PRKN: variants seen among roughly 807,000 people sequenced by gnomAD.
PRKN encodes the protein E3 ubiquitin-protein ligase parkin.
Under a neutral mutation model 59.5 loss-of-function variants are expected in PRKN, and 56 were observed. The observed-to-expected ratio is 0.94, with a 90% CI of 0.76 to 1.18. The LOEUF (loss-of-function observed/expected upper bound fraction) is 1.18, where lower values mean the gene tolerates loss of function less well. PRKN is among the 50% of genes most tolerant of loss of function. PRKN has a pLI of 0.00. For missense variants in PRKN, 657 were observed against 596.4 expected (o/e 1.10, Z -1.06); for synonymous variants, 250 against 222.1 (o/e 1.13, Z -1.12).
At chr6:161,808,590 T>G (rs1017555717) in intron 6 of PRKN, among the ~76,000 whole-genome samples, 2 of 152,182 alleles carry the variant, frequency 1.3e-5, no homozygotes, top group African/African-American at 4.8e-5. Flanking sequence ...ATATTATTTT[T>G]GTATTATCTA....
intron 1 of PRKN, among the ~76,000 whole-genome samples, chr6:162,621,571 CTT>C (rs1158814969): frequency 6.6e-6 from 1 of 152,280 alleles, no homozygotes; most frequent in East Asian, 1.9e-4. Context: ...AATGAATGGT[CTT>C]TGTTTTAAAT....
At chr6:161,971,878 C>A (rs1230382909) in intron 6 of PRKN, among the ~76,000 whole-genome samples, 2 of 152,144 alleles carry the variant, frequency 1.3e-5, no homozygotes, top group African/African-American at 4.8e-5. Flanking sequence ...CAGAGAGAGA[C>A]AACACTTAAA....
chr6:161,475,343 G>A lies in PRKN; in HGVS notation c.1083+73511C>T, dbSNP rs1791014385. On this transcript the variant is annotated intron_variant, in intron 9 of 11. Transcript: ENST00000366898. The surrounding 1 kb of genome is among the most constrained non-coding windows in gnomAD (Gnocchi z 5.3). ...TTTCCAGTATTCCCATTTGCGATTTGTTTTTGGTCATCACGAGGAAGGAGG... is the reference window on the plus strand; with the variant it reads ...TTTCCAGTATTCCCATTTGCGATTTATTTTTGGTCATCACGAGGAAGGAGG... 6.6e-6 allele frequency among the ~76,000 whole-genome samples: 1 copy of A among 152,146 alleles called. No individual in the cohort carries two copies. The highest frequency in any genetic ancestry group is 2.4e-5 in the African/African-American group (1 of 41,436).
At chr6:162,067,822 C>T (rs1445484705) in intron 4 of PRKN, among the ~76,000 whole-genome samples, 2 of 152,158 alleles carry the variant, frequency 1.3e-5, no homozygotes, top group Non-Finnish European at 2.9e-5. Flanking sequence ...TGAGATATGT[C>T]CAAGGCTACA....
intron 5 of PRKN, among the ~76,000 whole-genome samples, chr6:162,045,846 G>A (rs1003870412): frequency 2.0e-5 from 3 of 152,032 alleles, no homozygotes; most frequent in Non-Finnish European, 2.9e-5. Context: ...ACTCCATTAG[G>A]CTCCTGTGTA....
At chr6:162,050,117 T>C (rs1406211449) in intron 5 of PRKN, among the ~76,000 whole-genome samples, 1 of 152,188 alleles carries the variant, frequency 6.6e-6, no homozygotes, top group Admixed American at 6.5e-5. Context: ...GCTGAACATA[T>C]TTTTCCTCAA....
intron 2 of PRKN, among the ~76,000 whole-genome samples, chr6:162,289,194 G>C (rs1781320982): frequency 6.6e-6 from 1 of 152,120 alleles, no homozygotes; most frequent in African/African-American, 2.4e-5. Context: ...CTGCTCCAGG[G>C]TGCTCTCCTT....
chr6:162,040,950 C>T (rs1358533556), intron 5 of PRKN, among the ~76,000 whole-genome samples: 6 of 150,612 alleles, frequency 4.0e-5, no homozygotes, highest in South Asian at 2.1e-4. Context: ...GTTGGGAAGC[C>T]GAGGTGGGTA....
In PRKN at chr6:161,429,669, A is replaced by G. The variant is rs1228543204; in HGVS notation, c.1084-42792T>C. ...GCCACAAGTAGATCAATGAAGAAAGAGGAATCCAGAAGTTCCAGTCCGAGG... is the reference window on the plus strand; with the variant it reads ...GCCACAAGTAGATCAATGAAGAAAGGGGAATCCAGAAGTTCCAGTCCGAGG... On this transcript the variant is annotated intron_variant, in intron 9 of 11. Coordinates refer to ENST00000366898, the MANE Select transcript of PRKN (RefSeq NM_004562.3). This position sits in a 1 kb window ranked among gnomAD's most constrained non-coding sequence, Gnocchi z 4.2. 6.6e-6 allele frequency among the ~76,000 whole-genome samples: 1 copy of G among 152,138 alleles called. No individual in the cohort carries two copies. Among genetic ancestry groups the G allele is most frequent in the Non-Finnish European group, 1.5e-5 (1 of 68,018 alleles).
rs1779925504 is a variant in PRKN at position 161,549,585 on chromosome 6, T to G, written c.934-582A>C. 6.6e-6 allele frequency among the ~76,000 whole-genome samples: 1 copy of G among 152,154 alleles called. No individual in the cohort carries two copies. Among genetic ancestry groups the G allele is most frequent in the Non-Finnish European group, 1.5e-5 (1 of 68,034 alleles). ...TATCATTATTCTTATTCTTAAAGCATGATTTCTTGTGTCCCTGATGTCATT... is the reference window on the plus strand; with the variant it reads ...TATCATTATTCTTATTCTTAAAGCAGGATTTCTTGTGTCCCTGATGTCATT... On this transcript the variant is annotated intron_variant, in intron 8 of 11. Coordinates refer to ENST00000366898, the MANE Select transcript of PRKN (RefSeq NM_004562.3). The surrounding 1 kb of genome is among the most constrained non-coding windows in gnomAD (Gnocchi z 6.0).
intron 4 of PRKN, among the ~76,000 whole-genome samples, chr6:162,074,637 A>AG (rs1488645199): frequency 9.9e-5 from 15 of 151,984 alleles, no homozygotes; most frequent in Non-Finnish European, 1.8e-4. Context: ...ATATATAAAA[A>AG]AAAGTCACAT....
chr6:162,623,012 C>A (rs1328474579), intron 1 of PRKN, among the ~76,000 whole-genome samples: 1 of 152,144 alleles, frequency 6.6e-6, no homozygotes, highest in Non-Finnish European at 1.5e-5. Flanking sequence ...CAAAAAAAAC[C>A]TTTTCCATTG....
intron 3 of PRKN, among the ~76,000 whole-genome samples, chr6:162,248,001 T>C (rs1271208501): frequency 6.6e-6 from 1 of 152,152 alleles, no homozygotes; most frequent in African/African-American, 2.4e-5. Context: ...CCATAAAAAT[T>C]CAACAATATA....
intron 2 of PRKN, among the ~76,000 whole-genome samples, chr6:162,362,877 T>A (rs944269945): frequency 6.6e-6 from 1 of 151,600 alleles, no homozygotes; most frequent in Admixed American, 6.6e-5. Flanking sequence ...GCCTGTAATC[T>A]CAACGCTTTG....
chr6:161,821,860 T>C (rs936704387), intron 6 of PRKN, among the ~76,000 whole-genome samples: 7 of 150,522 alleles, frequency 4.7e-5, no homozygotes, highest in Non-Finnish European at 8.9e-5. Flanking sequence ...GTGATTCTCC[T>C]GCCTCAGCCT....
chr6:162,296,739 A>C (rs1283349860), intron 2 of PRKN, among the ~76,000 whole-genome samples: 1 of 152,146 alleles, frequency 6.6e-6, no homozygotes, highest in Non-Finnish European at 1.5e-5. Flanking sequence ...AAATTTTCTT[A>C]CTTGAGGACA....
intron 7 of PRKN, among the ~76,000 whole-genome samples, chr6:161,693,725 C>A (rs1785900593): frequency 6.6e-6 from 1 of 152,138 alleles, no homozygotes; most frequent in Non-Finnish European, 1.5e-5. Context: ...GTTTTCTACC[C>A]CAGATGTAAA....
At chr6:161,863,345 AC>A (rs1480564642) in intron 6 of PRKN, among the ~76,000 whole-genome samples, 2 of 152,100 alleles carry the variant, frequency 1.3e-5, no homozygotes, top group African/African-American at 4.8e-5. Context: ...AAGGGAAAAA[AC>A]ATTCTGTGTT....
intron 9 of PRKN, among the ~76,000 whole-genome samples, chr6:161,412,192 CCACT>C (rs747349277): frequency 2.7e-5 from 4 of 147,512 alleles, no homozygotes; most frequent in Non-Finnish European, 6.0e-5. Context: ...ACTCATTCCT[CCACT>C]CACTCTTTCC....
Sources: gnomAD v4.1 joint callset for allele counts (sites outside exome capture counted in the v4.1 genomes callset) on GRCh38, gnomAD v4.1.1 for gene constraint, Gnocchi (gnomAD v3.1) non-coding constraint, MANE v1.5 for transcripts, NCBI Gene and HGNC (gene_info 2026-07-23, HGNC 2026-07-21) for gene names.